Variants in TREM1 observed in about 807,000 individuals in gnomAD.
The protein encoded by TREM1 is triggering receptor expressed on monocytes 1.
In TREM1, 16 loss-of-function variants were observed where a neutral mutation model predicts 22.4. The ratio of observed to expected loss-of-function variants is 0.71; its 90% CI spans 0.48 to 1.08. The LOEUF (loss-of-function observed/expected upper bound fraction) is 1.08. TREM1 is among the 50% of genes least tolerant of loss of function. TREM1 has a pLI of 0.00. For synonymous variants in TREM1, 110 were observed against 111.6 expected (o/e 0.99, Z 0.09); for missense variants, 283 against 282.9 (o/e 1.00, Z 0.00).
At chr6:41,285,301 C>A in intron 1 of TREM1, among the ~76,000 whole-genome samples, 1 of 152,226 alleles carries the variant, frequency 6.6e-6, no homozygotes, top group Non-Finnish European at 1.5e-5. Context: ...CAAATACTAC[C>A]TATTAAGTAT....
chr6:41,277,880 C>A (rs2113980326), intron 3 of TREM1, among the ~76,000 whole-genome samples: 1 of 149,908 alleles, frequency 6.7e-6, no homozygotes, highest in South Asian at 2.1e-4. Flanking sequence ...TGCCAGAAAT[C>A]ACTTCCTAAA....
intron 3 of TREM1, among the ~76,000 whole-genome samples, chr6:41,279,104 G>A (rs988271202): frequency 2.0e-5 from 3 of 152,222 alleles, no homozygotes; most frequent in African/African-American, 7.2e-5. Flanking sequence ...AGCTGGAAAG[G>A]GAGAGTGTCT....
At chr6:41,281,295 G>A (rs1479098518) in intron 2 of TREM1, 142 bp from the exon 3 acceptor site, 9 of 974,582 alleles carry the variant, frequency 9.2e-6, no homozygotes, top group Admixed American at 2.9e-5. Flanking sequence ...TGAAGCTGAG[G>A]AGGGAAATGA....
At chr6:41,279,642 C>T (rs1204530118) in intron 3 of TREM1, 1 of 985,302 alleles carries the variant, frequency 1.0e-6, no homozygotes, top group East Asian at 1.1e-4. Flanking sequence ...GAGGTGGAGT[C>T]TACACTCATA....
Position 41,274,623 on chromosome 6 carries a change from A to T in TREM1, c.*1502T>A, listed in dbSNP as rs1034305239. On this transcript the variant is annotated 3_prime_UTR_variant, in exon 4 of 4. Coordinates refer to ENST00000244709, the MANE Select transcript of TREM1 (RefSeq NM_018643.5). Reference sequence around the variant, plus strand: ...CGTCTGCAAAGATTCTCACCAGAGCATCAGGATGAAATAAATGCCCACCAC... The same window carrying T: ...CGTCTGCAAAGATTCTCACCAGAGCTTCAGGATGAAATAAATGCCCACCAC... Among the ~76,000 whole-genome samples, 43 of 152,302 alleles carry T rather than the reference A, an allele frequency of 2.8e-4. No homozygotes were observed. The highest frequency in any genetic ancestry group is 1.0e-3 in the African/African-American group (42 of 41,566).
At chr6:41,272,079 C>G (rs1767494483), downstream of TREM1, among the ~76,000 whole-genome samples, 2 of 152,158 alleles carry the variant, frequency 1.3e-5, no homozygotes, top group African/African-American at 4.8e-5. Context: ...GTCACCATCT[C>G]CCCACGAGGC....
rs376418973 is a variant in TREM1, at chr6:41,276,119, G to A, written c.*6C>T. The A allele has an allele frequency of 3.7e-5, 59 of 1,611,786 alleles. No individual in the cohort carries two copies. Among genetic ancestry groups the A allele is most frequent in the East Asian group, 3.6e-4 (16 of 44,864 alleles). ...AGTCAGAGGACATTCTCGTGGGTTC[G>A]TGGGCCTAGGGTACAAATGACCTCA... On this transcript the variant is annotated 3_prime_UTR_variant, in exon 4 of 4. Transcript: ENST00000244709.
intron 1 of TREM1, among the ~76,000 whole-genome samples, chr6:41,285,089 C>T (rs2113998393): frequency 6.6e-6 from 1 of 152,278 alleles, no homozygotes; most frequent in Non-Finnish European, 1.5e-5. Context: ...CCACTGAAGC[C>T]CTAACCTCTG....
rs1767885729 is a variant in TREM1 at position 41,280,965 on chromosome 6, T to G, written c.595A>C (p.Ile199Leu). 1 of 1,614,102 alleles carries G rather than the reference T, an allele frequency of 6.2e-7. No individual in the cohort carries two copies. Among genetic ancestry groups the G allele is most frequent in the South Asian group, 1.1e-5 (1 of 91,088 alleles). The change falls in exon 3 of 4, where the codon ATC (isoleucine) becomes CTC (leucine). Residue 199 changes from isoleucine to leucine, a missense_variant. Transcript: ENST00000244709. ...CCAGGGACCTGGAAACTATACCTGA[T>G]GATATCTGTCACATTTGTAAGGTTG... ...EINLTNVTDI[I>L]RVPVFNIVIL... is the part of the protein sequence containing the mutation.
At chr6:41,280,211 T>A in intron 3 of TREM1, 1 of 966,750 alleles carries the variant, frequency 1.0e-6, no homozygotes. Flanking sequence ...AGTATTTCCA[T>A]CCTGATAATT....
downstream of TREM1, among the ~76,000 whole-genome samples, chr6:41,269,155 A>T (rs1230103875): frequency 6.6e-6 from 1 of 152,198 alleles, no homozygotes; most frequent in African/African-American, 2.4e-5. Context: ...TTTATAGAAA[A>T]ACTTGAGGCA....
In TREM1 at chr6:41,275,866, C is replaced by T. The variant is rs912159117; in HGVS notation, c.*259G>A. ...GAGCTGTCTGTATTTCATGCCAACC[C>T]CAAGTGGCTGGTGGAATGAAGGACC... On this transcript the variant is annotated 3_prime_UTR_variant, in exon 4 of 4. Coordinates refer to ENST00000244709, the MANE Select transcript of TREM1 (RefSeq NM_018643.5). The T allele has an allele frequency of 3.8e-6, 2 of 520,736 alleles. No homozygotes were observed. The highest frequency in any genetic ancestry group is 3.8e-5 in the African/African-American group (2 of 52,212). 32.3% of individuals were successfully genotyped at this position (520,736 alleles called of 1,614,324 possible).
At position 41,276,130 on chromosome 6, in the gene TREM1, G is replaced by T; in HGVS notation, c.700C>A (p.Pro234Thr). The T allele has an allele frequency of 6.2e-7, 1 of 1,613,736 alleles. No individual in the cohort carries two copies. The highest frequency in any genetic ancestry group is 1.1e-5 in the South Asian group (1 of 91,076). The change falls in exon 4 of 4, where the codon CCC becomes ACC. Residue 234 changes from proline to threonine, a missense_variant. Transcript: ENST00000244709. ...LFAVTLRSFVP is the reference protein window; with the variant it reads ...LFAVTLRSFVT ...ATTCTCGTGGGTTCGTGGGCCTAGGGTACAAATGACCTCAGCGTGACAGCA... is the reference window on the plus strand; with the variant it reads ...ATTCTCGTGGGTTCGTGGGCCTAGGTTACAAATGACCTCAGCGTGACAGCA...
In TREM1 at chr6:41,275,778, G is replaced by A. The variant is rs12200981; in HGVS notation, c.*347C>T. The A allele has an allele frequency of 0.42, 128,627 of 303,760 alleles. 28,814 individuals are homozygous for A. Among genetic ancestry groups the A allele is most frequent in the Middle Eastern group, 0.51 (442 of 870 alleles). The allele number at this position is 303,760 out of a possible 1,614,324, so 18.8% of individuals were successfully genotyped here. A position where few individuals can be genotyped will look rare whatever the true frequency, so the allele number is the denominator to read the frequency against. ...TGGTCCAGGGCAAAACTGAGCAGGA[G>A]AAGTATCAGGTGTGCCTTCTGCATG... On this transcript the variant is annotated 3_prime_UTR_variant, in exon 4 of 4. Coordinates refer to ENST00000244709, the MANE Select transcript of TREM1 (RefSeq NM_018643.5).
At position 41,282,407 on chromosome 6, in the gene TREM1, C is replaced by A. The variant is rs748130784; in HGVS notation, c.394G>T (p.Val132Leu). ...PHMLFDRIRLVVTKGFSGTPG... is the reference protein window; with the variant it reads ...PHMLFDRIRLLVTKGFSGTPG... ...CCAGGCCACTCACCCTTGGTCACCACCAAGCGGATGCGATCGAACAGCATG... is the reference window on the plus strand; with the variant it reads ...CCAGGCCACTCACCCTTGGTCACCAACAAGCGGATGCGATCGAACAGCATG... The change falls in exon 2 of 4, where the codon GTG (valine) becomes TTG (leucine). Residue 132 changes from valine to leucine, a missense_variant. Transcript: ENST00000244709. 7.5e-6 allele frequency: 12 copies of A among 1,610,166 alleles called. No individual in the cohort carries two copies. The highest frequency in any genetic ancestry group is 1.0e-5 in the Non-Finnish European group (12 of 1,177,618).
intron 3 of TREM1, among the ~76,000 whole-genome samples, chr6:41,278,136 A>G (rs970522371): frequency 1.1e-4 from 16 of 151,470 alleles, no homozygotes; most frequent in African/African-American, 3.6e-4. Flanking sequence ...ATGTTGCCCA[A>G]GCTAATCTCA....
downstream of TREM1, chr6:41,270,076 A>G (rs1767436625): frequency 1.3e-5 from 2 of 152,180 alleles, no homozygotes; most frequent in Admixed American, 1.3e-4. Context: ...CTCCATGAGC[A>G]CCAGAGTCTC....
chr6:41,279,492 G>A, intron 3 of TREM1: 5 of 974,940 alleles, frequency 5.1e-6, no homozygotes, highest in Non-Finnish European at 6.1e-6. Context: ...CTTAACTTAT[G>A]TATTGCAAAA....
In TREM1 at chr6:41,275,027, GGAGATTGCAAGACAATCTCCCACA is replaced by G. The variant is rs1045363092; in HGVS notation, c.*1074_*1097del. 1.3e-5 allele frequency among the ~76,000 whole-genome samples: 2 copies of G among 151,570 alleles called. No individual in the cohort carries two copies. Among genetic ancestry groups the G allele is most frequent in the Non-Finnish European group, 2.9e-5 (2 of 67,904 alleles). ...AACAAAATCCTGATTGAAATCTGTG[GGAGATTGCAAGACAATCTCCCACA>G]GAGATTGTCTCTGTGGTGGCCTGAA... On this transcript the variant is annotated 3_prime_UTR_variant, in exon 4 of 4. Coordinates refer to ENST00000244709, the MANE Select transcript of TREM1 (RefSeq NM_018643.5).
Sources: gnomAD v4.1 joint callset for allele counts (sites outside exome capture counted in the v4.1 genomes callset) on GRCh38, gnomAD v4.1.1 for gene constraint, MANE v1.5 for transcripts, NCBI Gene and HGNC (gene_info 2026-07-23, HGNC 2026-07-21) for gene names.